Variants in SLC16A6 observed in about 807,000 individuals in gnomAD.
The protein encoded by SLC16A6 is monocarboxylate transporter 7.
A neutral mutation model predicts 33.8 loss-of-function variants in SLC16A6; 15 were observed. The ratio of observed to expected loss-of-function variants is 0.44; its 90% confidence interval spans 0.30 to 0.68. The LOEUF (loss-of-function observed/expected upper bound fraction) is 0.68, where lower values mean the gene tolerates loss of function less well. Ranked by LOEUF, SLC16A6 falls within the 30% of genes least tolerant of loss-of-function variation. SLC16A6 has a pLI of 0.10. For synonymous variants in SLC16A6, 219 were observed against 248.4 expected, an observed-to-expected ratio of 0.88 and a Z score of 1.11; for missense variants, 451 against 661.5, an observed-to-expected ratio of 0.68 and a Z score of 3.49.
In SLC16A6 at chr17:68,271,075, T is replaced by C. The variant is rs369989136; in HGVS notation, c.1085A>G (p.Glu362Gly). ...NREPIRKIYI[E>G]LICVILLTVS... ...AGTCAATAAGATGACGCAGATGAGC[T>C]CAATGTAAATCTTACGAATGGGCTC... Residue 362 changes from glutamate (E) to glycine (G), a missense_variant, in exon 5 of 6, where the codon GAG (glutamate) becomes GGG (glycine). Around this residue, in one of 2 missense-constraint regions of SLC16A6, gnomAD observed 405 missense variants for 510.7 expected, o/e 0.79. Transcript: ENST00000580666. The surrounding 1 kb of genome is among the most constrained non-coding windows in gnomAD (Gnocchi z 5.3). The C allele has an allele frequency of 6.2e-7, 1 of 1,614,126 alleles. No homozygotes were observed. Among genetic ancestry groups the C allele is most frequent in the Non-Finnish European group, 8.5e-7 (1 of 1,180,018 alleles).
chr17:68,273,822 A>G, intron 3 of SLC16A6, 105 bp downstream of exon 3: 1 of 1,380,106 alleles, frequency 7.2e-7, no homozygotes, highest in South Asian at 1.4e-5. Context: ...TTAAAGAAAA[A>G]AAGAAAGAGA....
intron 1 of SLC16A6, among the ~76,000 whole-genome samples, chr17:68,284,090 T>G (rs1434254105): frequency 1.8e-4 from 18 of 98,912 alleles, no homozygotes; most frequent in Admixed American, 2.8e-4. Flanking sequence ...AGCAATAGAG[T>G]GAGACTCTGT....
chr17:68,274,016 A>T lies in SLC16A6; in HGVS notation c.287T>A (p.Leu96Ter). 1 of 1,614,152 alleles carries T rather than the reference A, an allele frequency of 6.2e-7. No individual in the cohort carries two copies. The highest frequency in any genetic ancestry group is 1.1e-5 in the South Asian group (1 of 91,086). The change falls in exon 3 of 6, where the codon TTG becomes TAG. Residue 96 changes from leucine (L) to a stop codon, truncating the protein, a stop_gained. Transcript: ENST00000580666. LOFTEE classifies it high-confidence loss of function. The stretch of plus-strand genomic sequence containing the variant: ...CCCGGTGCTGACAAGTAGCCCCCCC[A>T]ACATCACTACCAGACGGTGTCCGAA... The part of the protein sequence containing the change: ...NRFGHRLVVM[L>*]GGLLVSTGMV...
Position 68,271,633 on chromosome 17 carries a change from C to G in SLC16A6, c.527G>C (p.Arg176Pro). The G allele has an allele frequency of 6.2e-7, 1 of 1,613,018 alleles. No individual in the cohort carries two copies. Among genetic ancestry groups the G allele is most frequent in the Non-Finnish European group, 8.5e-7 (1 of 1,179,084 alleles). ...GAGGAGGCTGTATCTCCAGCCAATG[C>G]GCTCCTTCAGAGCCATGATTGCTTG... ...FAPAIMALKE[R>P]IGWRYSLLFV... Residue 176 changes from arginine to proline, a missense_variant, in exon 5 of 6, where the codon CGC becomes CCC. By Grantham distance (103) the Arg-to-Pro change is moderately radical. Transcript: ENST00000580666. The surrounding 1 kb of genome is among the most constrained non-coding windows in gnomAD (Gnocchi z 5.3).
intron 1 of SLC16A6, among the ~76,000 whole-genome samples, chr17:68,281,687 G>A (rs1343553276): frequency 1.3e-5 from 2 of 152,074 alleles, no homozygotes; most frequent in Non-Finnish European, 2.9e-5. Flanking sequence ...AAATCATTAC[G>A]GAAATCCAAA....
At position 68,291,114 on chromosome 17, in the gene SLC16A6, C is replaced by T. The variant is rs1408316107; in HGVS notation, c.-36G>A. 2.0e-5 allele frequency: 3 copies of T among 152,216 alleles called. No individual in the cohort carries two copies. The highest frequency in any genetic ancestry group is 2.9e-5 in the Non-Finnish European group (2 of 68,050). 9.4% of individuals were successfully genotyped at this position (152,216 alleles called of 1,614,324 possible). A position where few individuals can be genotyped will look rare whatever the true frequency, so the allele number is the denominator to read the frequency against. On this transcript the variant is annotated 5_prime_UTR_variant, in exon 1 of 6. Transcript: ENST00000580666. ...GTTAGAAGGGAAGAGAATAAACCCC[C>T]AAAGGCTCCCAATAAGGCGGAGGCT...
chr17:68,272,085 G>A (rs2075360064), intron 4 of SLC16A6, among the ~76,000 whole-genome samples: 1 of 152,188 alleles, frequency 6.6e-6, no homozygotes. Context: ...ACAGGCATGA[G>A]CCACTGCACC....
chr17:68,286,546 CT>C (rs2145177214), intron 1 of SLC16A6, among the ~76,000 whole-genome samples: 1 of 152,246 alleles, frequency 6.6e-6, no homozygotes, highest in East Asian at 1.9e-4. Flanking sequence ...GCTATGTCAC[CT>C]AGGCTGAAGT....
At chr17:68,284,282 T>C (rs1485418151) in intron 1 of SLC16A6, among the ~76,000 whole-genome samples, 1 of 151,808 alleles carries the variant, frequency 6.6e-6, no homozygotes, top group Non-Finnish European at 1.5e-5. Context: ...GTGCCTGTAG[T>C]CCCAGCTGCT....
chr17:68,270,850 G>A lies in SLC16A6; in HGVS notation c.1310C>T (p.Pro437Leu), dbSNP rs1555748247. ...FIQSIAGLAG[P>L]PLAGLLVDQS... ...TGTATTTAAATTACCTGCAAGGGGC[G>A]GTCCAGCCAGTCCTGCTATGCTCTG... Residue 437 changes from proline to leucine, a missense_variant, in exon 5 of 6, where the codon CCG becomes CTG. Pro to Leu is a moderately conservative substitution (Grantham distance 98). This residue lies in a region of SLC16A6 where 46 missense variants were observed against 150.8 expected (regional missense o/e 0.31). Transcript: ENST00000580666. 6.2e-7 allele frequency: 1 copy of A among 1,609,326 alleles called. No individual in the cohort carries two copies. The highest frequency in any genetic ancestry group is 8.5e-7 in the Non-Finnish European group (1 of 1,177,468).
At position 68,281,605 on chromosome 17, in the gene SLC16A6, A is replaced by G. The variant is rs114487311; in HGVS notation, c.-7-3278T>C. Among the ~76,000 whole-genome samples the G allele has an allele frequency of 6.3e-3, 955 of 152,266 alleles. 7 individuals are homozygous for G. The highest frequency in any genetic ancestry group is 0.022 in the African/African-American group (902 of 41,558). On this transcript the variant is annotated intron_variant, in intron 1 of 5. Transcript: ENST00000580666. ...ATAAATAAATAAATAAAATGGGTGA[A>G]TAATCTGAGCAGACATTTCTCAAAA...
At chr17:68,280,970 C>T (rs1017787060) in intron 1 of SLC16A6, among the ~76,000 whole-genome samples, 16 of 151,674 alleles carry the variant, frequency 1.1e-4, no homozygotes, top group African/African-American at 1.9e-4. Flanking sequence ...ACTGAAAATA[C>T]GAAAAATTAA....
intron 1 of SLC16A6, among the ~76,000 whole-genome samples, chr17:68,287,949 CTCTT>C (rs1246844576): frequency 1.3e-5 from 2 of 148,556 alleles, no homozygotes; most frequent in Non-Finnish European, 3.0e-5. Context: ...TCTTCTCTCT[CTCTT>C]TCTCTCTCTC....
intron 3 of SLC16A6, 40 bp downstream of exon 3, chr17:68,273,887 A>C: frequency 6.3e-7 from 1 of 1,597,540 alleles, no homozygotes; most frequent in Non-Finnish European, 8.6e-7. Context: ...TCTTCAAACT[A>C]AGTGTCTAGA....
upstream of SLC16A6, chr17:68,291,171 A>G (rs901452206): frequency 1.3e-5 from 2 of 152,070 alleles, no homozygotes; most frequent in Admixed American, 1.3e-4. Flanking sequence ...CCGCTCGGTA[A>G]CATGAGAAAA....
chr17:68,290,032 C>T (rs1482673527), intron 1 of SLC16A6, among the ~76,000 whole-genome samples: 1 of 152,196 alleles, frequency 6.6e-6, no homozygotes, highest in African/African-American at 2.4e-5. Flanking sequence ...GAGATTTCAG[C>T]ATAAGCACTT....
In SLC16A6 at chr17:68,271,187, C is replaced by G. The variant is rs1555748512; in HGVS notation, c.973G>C (p.Asp325His). 1 of 1,614,012 alleles carries G rather than the reference C, an allele frequency of 6.2e-7. No individual in the cohort carries two copies. The highest frequency in any genetic ancestry group is 1.3e-5 in the African/African-American group (1 of 75,058). ...IIPLGISLGI[D>H]QDRAAFLLST... ...AATAAAAAAGCAGCGCGGTCCTGGT[C>G]AATGCCCAGACTAATGCCCAGAGGA... The change falls in exon 5 of 6, where the codon GAC (aspartate) becomes CAC (histidine). Residue 325 changes from aspartate to histidine, a missense_variant. By Grantham distance (81) the Asp-to-His change is moderately conservative (BLOSUM62 -1). Coordinates refer to ENST00000580666, the MANE Select transcript of SLC16A6 (RefSeq NM_004694.5). This position sits in a 1 kb window ranked among gnomAD's most constrained non-coding sequence, Gnocchi z 5.3.
intron 1 of SLC16A6, among the ~76,000 whole-genome samples, chr17:68,289,637 C>G (rs781849207): frequency 6.6e-6 from 1 of 152,208 alleles, no homozygotes; most frequent in Non-Finnish European, 1.5e-5. Flanking sequence ...CATCTGCATT[C>G]TCTATTTAAA....
At position 68,269,075 on chromosome 17, in the gene SLC16A6, CTGT is replaced by C. The variant is rs781941488; in HGVS notation, c.*18_*20del. The stretch of plus-strand genomic sequence containing the variant: ...CATCCCTCTCCAGCCAACACAGTGG[CTGT>C]TGTTGTAAGAAAGTGTGTCATACCG... On this transcript the variant is annotated 3_prime_UTR_variant, in exon 6 of 6. Transcript: ENST00000580666. The C allele has an allele frequency of 5.0e-5, 78 of 1,570,784 alleles. No individual in the cohort carries two copies. The highest frequency in any genetic ancestry group is 6.1e-5 in the Non-Finnish European group (71 of 1,159,846).
Sources: gnomAD v4.1 joint callset for allele counts (sites outside exome capture counted in the v4.1 genomes callset) on GRCh38, gnomAD v4.1.1 for gene constraint, gnomAD v4.1.1 regional missense constraint, Gnocchi (gnomAD v3.1) non-coding constraint, MANE v1.5 for transcripts, NCBI Gene and HGNC (gene_info 2026-07-23, HGNC 2026-07-21) for gene names.